The following WDR62 variants were observed in gnomAD, a reference collection of about 807,000 sequenced individuals.
WDR62 encodes the protein WD repeat domain 62.
WDR62 carries 112 observed loss-of-function variants against 160.6 expected under a neutral mutation model. The ratio of observed to expected loss-of-function variants is 0.70; its 90% confidence interval spans 0.60 to 0.82. WDR62 has a LOEUF of 0.82. WDR62 is among the 40% of genes least tolerant of loss of function. WDR62 has a pLI of 0.00. For missense variants in WDR62, 1,819 were observed against 1,983.8 expected (o/e 0.92, Z 1.58); for synonymous variants, 792 against 815.1 (o/e 0.97, Z 0.48).
chr19:36,067,200 C>T (rs943149890), intron 5 of WDR62, 106 bp from the exon 6 acceptor site: 3 of 1,503,604 alleles, frequency 2.0e-6, no homozygotes, highest in Non-Finnish European at 2.8e-6. Context: ...CCCAGGAAGA[C>T]AGACTTGGAG....
intron 21 of WDR62, among the ~76,000 whole-genome samples, chr19:36,098,569 A>C (rs1191973177): frequency 6.6e-6 from 1 of 151,982 alleles, no homozygotes; most frequent in Non-Finnish European, 1.5e-5. Context: ...CTCTCAAAAA[A>C]AAAAAAAAAG....
chr19:36,103,917 C>G lies in WDR62; in HGVS notation c.4089C>G (p.Pro1363=). The change falls in exon 30 of 32, where the codon CCC becomes CCG. Residue 1363 remains proline, a synonymous_variant. Transcript: ENST00000401500. ...GCCTTCCTGCCCACCCCAGTAACCC[C>G]CAGCTTCCAGAGGCCCGGCCTGGCA... The part of the protein sequence containing the change: ...SPGLPAHPSN[P]QLPEARPGIP... 6.3e-7 allele frequency: 1 copy of G among 1,599,402 alleles called. No individual in the cohort carries two copies. The highest frequency in any genetic ancestry group is 8.5e-7 in the Non-Finnish European group (1 of 1,179,960).
chr19:36,091,160 G>T, intron 16 of WDR62, 40 bp from the exon 17 acceptor site: 2 of 1,565,974 alleles, frequency 1.3e-6, no homozygotes, highest in Non-Finnish European at 8.8e-7. Flanking sequence ...TAAGGAAGAA[G>T]CAGGCAGCTG....
intron 25 of WDR62, 96 bp downstream of exon 25, chr19:36,101,870 T>G: frequency 6.6e-7 from 1 of 1,522,252 alleles, no homozygotes; most frequent in South Asian, 1.2e-5. Flanking sequence ...TGGAGCCCAC[T>G]GAGCCTGGAA....
intron 7 of WDR62, among the ~76,000 whole-genome samples, chr19:36,068,359 A>T (rs1004554398): frequency 1.3e-5 from 2 of 151,452 alleles, no homozygotes; most frequent in African/African-American, 4.9e-5. Context: ...ATTTTTTTTT[A>T]ATTAATTTAT....
intron 3 of WDR62, chr19:36,060,248 T>A: frequency 1.7e-6 from 1 of 598,412 alleles, no homozygotes. Context: ...CGAGACAGAC[T>A]GTAAACTAGT....
chr19:36,095,994 G>C (rs1972933643), intron 20 of WDR62, among the ~76,000 whole-genome samples: 2 of 152,222 alleles, frequency 1.3e-5, no homozygotes, highest in African/African-American at 4.8e-5. Flanking sequence ...CTATGGAGTG[G>C]AGACCACTCC....
At chr19:36,075,233 C>T (rs1971513107) in intron 9 of WDR62, 1 of 151,948 alleles carries the variant, frequency 6.6e-6, no homozygotes, top group Non-Finnish European at 1.5e-5. Flanking sequence ...GGGGTTTCTC[C>T]TTGTTGGTCA....
chr19:36,077,880 G>T (rs765701369), intron 9 of WDR62, among the ~76,000 whole-genome samples: 3 of 152,152 alleles, frequency 2.0e-5, no homozygotes, highest in Non-Finnish European at 1.5e-5. Context: ...ACAGGCGTGA[G>T]CCACCATGCC....
intron 1 of WDR62, among the ~76,000 whole-genome samples, chr19:36,056,587 A>G (rs957905715): frequency 6.6e-6 from 1 of 152,144 alleles, no homozygotes; most frequent in Admixed American, 6.6e-5. Context: ...AGCCACCTTC[A>G]TCTGTCACCC....
rs533680032 is a variant in WDR62 at position 36,104,709 on chromosome 19, G to A, written c.4311+34G>A. The A allele has an allele frequency of 1.2e-5, 20 of 1,613,948 alleles. No individual in the cohort carries two copies. The African/African-American group carries it at 2.5e-4, about 20-fold the overall frequency. ...AGCCCCAGAGTTGGGAAAGGGTTGA[G>A]GGGTCTCTTGAGACCGCCCGGCCTT... On this transcript the variant is annotated intron_variant, in intron 31 of 31. Coordinates refer to ENST00000401500, the MANE Select transcript of WDR62 (RefSeq NM_001083961.2).
chr19:36,107,380 G>A (rs1362947637), downstream of WDR62, among the ~76,000 whole-genome samples: 1 of 152,158 alleles, frequency 6.6e-6, no homozygotes, highest in Non-Finnish European at 1.5e-5. Flanking sequence ...CGATAGTACT[G>A]CTATGGGGAG....
At chr19:36,081,699 A>C (rs1971911138) in intron 10 of WDR62, 129 bp downstream of exon 10, 1 of 1,243,958 alleles carries the variant, frequency 8.0e-7, no homozygotes, top group African/African-American at 1.5e-5. Context: ...GCCGGCAACC[A>C]AGGCAGGTCC....
intron 9 of WDR62, among the ~76,000 whole-genome samples, 196 bp from the exon 10 acceptor site, chr19:36,081,237 C>T (rs1439098236): frequency 6.6e-6 from 1 of 152,100 alleles, no homozygotes; most frequent in Non-Finnish European, 1.5e-5. Context: ...GTGTTAAGGC[C>T]TAGGCTGAAG....
intron 1 of WDR62, among the ~76,000 whole-genome samples, chr19:36,058,074 G>A (rs574808912): frequency 3.9e-5 from 6 of 152,276 alleles, no homozygotes; most frequent in Admixed American, 1.3e-4. Context: ...CTAAGAGGCC[G>A]GGCACAGTGG....
At chr19:36,094,882 T>C (rs971570236) in intron 20 of WDR62, among the ~76,000 whole-genome samples, 4 of 151,858 alleles carry the variant, frequency 2.6e-5, no homozygotes, top group Admixed American at 6.6e-5. Context: ...AAGAAAAAAA[T>C]TAGCCAGGCC....
intron 11 of WDR62, among the ~76,000 whole-genome samples, chr19:36,084,343 C>T (rs1972076888): frequency 6.6e-6 from 1 of 152,106 alleles, no homozygotes; most frequent in South Asian, 2.1e-4. Context: ...TGTCCTACCC[C>T]AGGGACCACC....
chr19:36,101,010 G>A (rs148988517), intron 23 of WDR62, 135 bp downstream of exon 23: 38 of 1,450,394 alleles, frequency 2.6e-5, no homozygotes, highest in African/African-American at 2.2e-4. Flanking sequence ...TGGGGCAGGA[G>A]CCCAGCCTTA....
At chr19:36,076,596 G>C (rs1421124029) in intron 9 of WDR62, among the ~76,000 whole-genome samples, 2 of 151,684 alleles carry the variant, frequency 1.3e-5, no homozygotes, top group South Asian at 2.1e-4. Flanking sequence ...AGAAGGCCAG[G>C]GTTTTTTTTT....
Sources: gnomAD v4.1 joint callset for allele counts (sites outside exome capture counted in the v4.1 genomes callset) on GRCh38, gnomAD v4.1.1 for gene constraint, MANE v1.5 for transcripts, NCBI Gene and HGNC (gene_info 2026-07-23, HGNC 2026-07-21) for gene names.